ACYP2: variants seen among roughly 807,000 people sequenced by gnomAD.
ACYP2 encodes the protein acylphosphatase 2, also known as acylphosphatase-2.
A neutral mutation model predicts 11.2 loss-of-function variants in ACYP2; 12 were observed. The ratio of observed to expected loss-of-function variants is 1.08; its 90% CI spans 0.69 to 1.74. ACYP2 has a LOEUF of 1.74. Ranked by LOEUF, ACYP2 falls within the 40% of genes most tolerant of loss-of-function variation. The pLI, the probability that ACYP2 is intolerant of heterozygous loss-of-function variation, is 0.00. For synonymous variants in ACYP2, 43 were observed against 32.2 expected (o/e 1.33, Z -1.13); for missense variants, 134 against 101.9 (o/e 1.31, Z -1.35).
chr2:54,032,620 G>A (rs1674645461), intron 2 of ACYP2, among the ~76,000 whole-genome samples: 1 of 152,064 alleles, frequency 6.6e-6, no homozygotes, highest in South Asian at 2.1e-4. Context: ...CTCTTTTTTG[G>A]TTCCATATGA....
chr2:54,233,988 T>C (rs551269729), intron 6 of ACYP2, among the ~76,000 whole-genome samples: 4 of 152,286 alleles, frequency 2.6e-5, no homozygotes, highest in Non-Finnish European at 5.9e-5. Flanking sequence ...TTTTTCACAT[T>C]AGTAACTGAA....
At chr2:54,095,836 G>C (rs1335343970) in intron 4 of ACYP2, among the ~76,000 whole-genome samples, 1 of 94,734 alleles carries the variant, frequency 1.1e-5, no homozygotes, top group Non-Finnish European at 2.2e-5. Context: ...CGGGCAGAGG[G>C]GCTCCTCACT....
At chr2:54,006,562 T>G (rs1673076979) in intron 2 of ACYP2, among the ~76,000 whole-genome samples, 1 of 152,234 alleles carries the variant, frequency 6.6e-6, no homozygotes, top group Non-Finnish European at 1.5e-5. Flanking sequence ...GTGCTGAGAT[T>G]ACAAGTGTGA....
chr2:54,250,942 A>C (rs1687195125), intron 6 of ACYP2, among the ~76,000 whole-genome samples: 1 of 152,240 alleles, frequency 6.6e-6, no homozygotes, highest in African/African-American at 2.4e-5. Flanking sequence ...CTGAAAAGAC[A>C]TGAAACTTTG....
At chr2:53,972,310 C>T (rs1159306879) in intron 1 of ACYP2, among the ~76,000 whole-genome samples, 1 of 128,360 alleles carries the variant, frequency 7.8e-6, no homozygotes, top group East Asian at 2.5e-4. Context: ...AACTCCGTCT[C>T]AAAAAATAAA....
intron 4 of ACYP2, among the ~76,000 whole-genome samples, chr2:54,090,924 T>G (rs1678190890): frequency 6.6e-6 from 1 of 152,220 alleles, no homozygotes; most frequent in South Asian, 2.1e-4. Context: ...CATCTACATG[T>G]TGGTGCTTTG....
intron 6 of ACYP2, among the ~76,000 whole-genome samples, chr2:54,139,133 A>G (rs1251367334): frequency 1.3e-5 from 2 of 152,314 alleles, no homozygotes; most frequent in Middle Eastern, 3.4e-3. Context: ...GGCCTCGAGA[A>G]GAATTGTGGC....
At chr2:54,221,358 A>G (rs959941614) in intron 6 of ACYP2, among the ~76,000 whole-genome samples, 1 of 152,222 alleles carries the variant, frequency 6.6e-6, no homozygotes, top group African/African-American at 2.4e-5. Flanking sequence ...CAAAAAGCAC[A>G]TCTATATATT....
intron 6 of ACYP2, among the ~76,000 whole-genome samples, chr2:54,177,688 G>A (rs1377476189): frequency 6.8e-6 from 1 of 147,960 alleles, no homozygotes; most frequent in Admixed American, 6.9e-5. Flanking sequence ...AGTGATGTTT[G>A]TGTCTCAGCC....
intron 4 of ACYP2, among the ~76,000 whole-genome samples, chr2:54,105,543 A>G (rs918058953): frequency 6.6e-6 from 1 of 151,972 alleles, no homozygotes; most frequent in Non-Finnish European, 1.5e-5. Flanking sequence ...CAGTGGCATG[A>G]TCATGGCTTA....
intron 2 of ACYP2, among the ~76,000 whole-genome samples, chr2:54,037,573 A>T (rs906275566): frequency 6.6e-6 from 1 of 151,832 alleles, no homozygotes. Flanking sequence ...ATGCCTAGTT[A>T]ACTTTTAAAT....
intron 4 of ACYP2, among the ~76,000 whole-genome samples, chr2:54,078,001 G>C (rs537413263): frequency 4.1e-5 from 6 of 146,666 alleles, no homozygotes; most frequent in African/African-American, 7.6e-5. Flanking sequence ...ATGGAGTCTC[G>C]CTCTGTCACC....
intron 4 of ACYP2, among the ~76,000 whole-genome samples, chr2:54,125,642 C>G (rs1680446330): frequency 6.6e-6 from 1 of 151,990 alleles, no homozygotes; most frequent in Admixed American, 6.6e-5. Flanking sequence ...CCCAGCTACT[C>G]AGGAGGCTGA....
intron 6 of ACYP2, among the ~76,000 whole-genome samples, chr2:54,160,022 T>C (rs1682639412): frequency 6.6e-6 from 1 of 152,178 alleles, no homozygotes; most frequent in South Asian, 2.1e-4. Flanking sequence ...TGTGAAAGGA[T>C]GACTTGCTGG....
chr2:54,175,775 T>C (rs1478289135), intron 6 of ACYP2, among the ~76,000 whole-genome samples: 1 of 152,172 alleles, frequency 6.6e-6, no homozygotes. Flanking sequence ...TCTTTAGTAA[T>C]AGAAACCCTG....
At chr2:54,142,017 TTTGTTGTTGTTGTTGTTG>T in intron 6 of ACYP2, 1 of 377,526 alleles carries the variant, frequency 2.6e-6, no homozygotes, top group East Asian at 3.7e-5. Context: ...GTGTGTATAT[TTTGTTGTTGTTGTTGTTG>T]TTGTTGTTGT....
intron 4 of ACYP2, 22 bp from the exon 2 acceptor site, chr2:54,135,431 T>C (rs2103775591): frequency 6.2e-7 from 1 of 1,605,290 alleles, no homozygotes. Flanking sequence ...CTGACAATTC[T>C]TTTTATCTTT....
chr2:54,063,213 TG>T (rs1676560749), intron 4 of ACYP2, among the ~76,000 whole-genome samples: 1 of 152,102 alleles, frequency 6.6e-6, no homozygotes, highest in Non-Finnish European at 1.5e-5. Context: ...CTTGAATTCC[TG>T]GGTTCAAGCG....
At chr2:54,031,146 T>C (rs1674565530) in intron 2 of ACYP2, among the ~76,000 whole-genome samples, 1 of 152,194 alleles carries the variant, frequency 6.6e-6, no homozygotes, top group African/African-American at 2.4e-5. Context: ...ATTATTATAC[T>C]TTATGTTCTA....
Sources: allele counts gnomAD v4.1 joint callset (sites outside exome capture counted in the v4.1 genomes callset), GRCh38; gene constraint gnomAD v4.1.1; transcripts MANE v1.5; gene names NCBI Gene and HGNC (gene_info 2026-07-23, HGNC 2026-07-21).